Variants in GRID1 observed in about 807,000 individuals in gnomAD.
GRID1 encodes glutamate receptor ionotropic, delta-1.
Under a neutral mutation model 98.0 loss-of-function variants are expected in GRID1, and 28 were observed. The ratio of observed to expected loss-of-function variants is 0.29; its 90% CI spans 0.21 to 0.39. GRID1 has a LOEUF of 0.39. Among genes scored for constraint, GRID1 ranks in the 10% least tolerant of loss-of-function variants. The pLI is 1.00. For synonymous variants in GRID1, 553 were observed against 538.5 expected (o/e 1.03, Z -0.37); for missense variants, 1,111 against 1,340.5 (o/e 0.83, Z 2.67).
intron 4 of GRID1, among the ~76,000 whole-genome samples, chr10:86,009,335 T>C (rs952696571): frequency 1.3e-5 from 2 of 152,050 alleles, no homozygotes; most frequent in East Asian, 3.9e-4. Flanking sequence ...TGAGATAAAT[T>C]GGGATTTAAA....
chr10:86,204,037 G>C (rs1294426785), intron 3 of GRID1, among the ~76,000 whole-genome samples: 1 of 152,100 alleles, frequency 6.6e-6, no homozygotes, highest in Non-Finnish European at 1.5e-5. Context: ...CCCACCAAAG[G>C]TAGCAAAGGT....
At chr10:86,069,126 G>A (rs759843751) in intron 4 of GRID1, among the ~76,000 whole-genome samples, 1 of 152,066 alleles carries the variant, frequency 6.6e-6, no homozygotes, top group African/African-American at 2.4e-5. Context: ...AGGGCGTGGA[G>A]GTGTTTATGC....
At chr10:86,049,099 A>G (rs1039470108) in intron 4 of GRID1, among the ~76,000 whole-genome samples, 5 of 152,232 alleles carry the variant, frequency 3.3e-5, no homozygotes, top group African/African-American at 1.2e-4. Flanking sequence ...GAAGTTAAGC[A>G]ACTTGGTACT....
At chr10:85,633,331 G>A (rs1370869214) in intron 13 of GRID1, among the ~76,000 whole-genome samples, 1 of 152,150 alleles carries the variant, frequency 6.6e-6, no homozygotes, top group Non-Finnish European at 1.5e-5. Flanking sequence ...CTCACAGCTG[G>A]TAAAAGATGG....
chr10:86,281,637 G>T (rs914336997), intron 2 of GRID1, among the ~76,000 whole-genome samples: 12 of 152,188 alleles, frequency 7.9e-5, no homozygotes, highest in African/African-American at 2.7e-4. Flanking sequence ...GGAAGCAGGT[G>T]CTCTGGGCTC....
At chr10:86,271,195 C>A (rs1564725086) in intron 2 of GRID1, among the ~76,000 whole-genome samples, 1 of 152,196 alleles carries the variant, frequency 6.6e-6, no homozygotes, top group Non-Finnish European at 1.5e-5. Flanking sequence ...TGTTTTCAAA[C>A]CCTCATGATT....
intron 2 of GRID1, among the ~76,000 whole-genome samples, chr10:86,327,947 G>A (rs1476372951): frequency 6.6e-6 from 1 of 152,224 alleles, no homozygotes; most frequent in Non-Finnish European, 1.5e-5. Flanking sequence ...GCATATATAA[G>A]GATTTCCATG....
At chr10:85,984,646 G>C (rs985245791) in intron 4 of GRID1, among the ~76,000 whole-genome samples, 1 of 152,200 alleles carries the variant, frequency 6.6e-6, no homozygotes, top group African/African-American at 2.4e-5. Context: ...AGAAACATCA[G>C]AGCAAAACGG....
chr10:85,918,824 GCT>G (rs1246793447), intron 4 of GRID1, among the ~76,000 whole-genome samples: 1 of 152,206 alleles, frequency 6.6e-6, no homozygotes, highest in Admixed American at 6.5e-5. Context: ...GGTGAGCAGT[GCT>G]CTCTTTACAG....
rs1268202270 is a variant in GRID1, at chr10:85,602,324, A to G, written c.2979T>C (p.Pro993=). The change falls in exon 16 of 16, where the codon CCT becomes CCC. Residue 993 remains proline, a synonymous_variant. Transcript: ENST00000327946. ...CCAGAGCCTCTGGAAGGACGCCTCC[A>G]GGCACGGGCTGGAAGGACATGGGGA... is the stretch of plus-strand genomic sequence containing the variant. ...TPIPMSFQPV[P]GGVLPEALDT... is the part of the protein sequence containing the mutation. 6.4e-7 allele frequency: 1 copy of G among 1,555,582 alleles called. No homozygotes were observed.
chr10:85,920,380 A>G (rs1296492017), intron 4 of GRID1, among the ~76,000 whole-genome samples: 1 of 152,094 alleles, frequency 6.6e-6, no homozygotes, highest in Admixed American at 6.6e-5. Context: ...CGTTCCTTCT[A>G]CTGGAGTCTC....
chr10:86,078,184 GCTGT>G (rs1436225455), intron 4 of GRID1, among the ~76,000 whole-genome samples: 1 of 152,260 alleles, frequency 6.6e-6, no homozygotes, highest in Non-Finnish European at 1.5e-5. Context: ...CTAGAAGAGG[GCTGT>G]GATCATACAG....
intron 8 of GRID1, among the ~76,000 whole-genome samples, chr10:85,828,890 C>A (rs1842843344): frequency 6.6e-6 from 1 of 152,116 alleles, no homozygotes; most frequent in Non-Finnish European, 1.5e-5. Context: ...TAAAGAAGAG[C>A]TGGTAATATT....
At chr10:85,839,817 G>A (rs1246776781) in intron 8 of GRID1, among the ~76,000 whole-genome samples, 3 of 151,948 alleles carry the variant, frequency 2.0e-5, no homozygotes, top group Admixed American at 6.6e-5. Flanking sequence ...ATGAATCCAG[G>A]AGCTGGTTTT....
At chr10:85,745,794 G>T (rs1254631982) in intron 8 of GRID1, among the ~76,000 whole-genome samples, 1 of 151,802 alleles carries the variant, frequency 6.6e-6, no homozygotes, top group Non-Finnish European at 1.5e-5. Context: ...TAGAGACAAT[G>T]CAGAATAAGA....
At chr10:85,815,280 A>G (rs995242515) in intron 8 of GRID1, among the ~76,000 whole-genome samples, 3 of 152,192 alleles carry the variant, frequency 2.0e-5, no homozygotes, top group East Asian at 3.9e-4. Context: ...AAAATCTGCA[A>G]TAATATCTCA....
chr10:85,677,656 A>G (rs1841159746), intron 12 of GRID1, among the ~76,000 whole-genome samples: 1 of 152,238 alleles, frequency 6.6e-6, no homozygotes. Context: ...TGTACTCTCA[A>G]TACTTTTCTG....
intron 4 of GRID1, among the ~76,000 whole-genome samples, chr10:86,123,935 G>C (rs935244634): frequency 2.0e-5 from 3 of 152,202 alleles, no homozygotes; most frequent in East Asian, 3.9e-4. Context: ...CCCACACCAA[G>C]GGCCCATGCA....
intron 12 of GRID1, among the ~76,000 whole-genome samples, chr10:85,655,384 G>A (rs1275067280): frequency 6.6e-6 from 1 of 152,062 alleles, no homozygotes; most frequent in African/African-American, 2.4e-5. Context: ...CCTCAACCTT[G>A]AGCTCCCCCA....
Sources: allele counts gnomAD v4.1 joint callset (sites outside exome capture counted in the v4.1 genomes callset), GRCh38; gene constraint gnomAD v4.1.1; transcripts MANE v1.5; gene names NCBI Gene and HGNC (gene_info 2026-07-23, HGNC 2026-07-21).